The following MACROD2 variants were observed in gnomAD, a reference collection of about 807,000 sequenced individuals.
MACROD2 encodes ADP-ribose glycohydrolase MACROD2.
MACROD2 carries 36 observed loss-of-function variants against 70.4 expected under a neutral mutation model. That is an observed-to-expected ratio of 0.51 (90% CI 0.39 to 0.68). The LOEUF (loss-of-function observed/expected upper bound fraction) is 0.68, where lower values mean the gene tolerates loss of function less well. Among genes scored for constraint, MACROD2 ranks in the 30% least tolerant of loss-of-function variants. The pLI, the probability that MACROD2 is intolerant of heterozygous loss-of-function variation, is 0.00. For synonymous variants in MACROD2, 172 were observed against 178.8 expected, an observed-to-expected ratio of 0.96 and a Z score of 0.30; for missense variants, 496 against 538.4, an observed-to-expected ratio of 0.92 and a Z score of 0.78.
intron 5 of MACROD2, among the ~76,000 whole-genome samples, chr20:15,064,126 G>T (rs922256675): frequency 6.6e-6 from 1 of 152,008 alleles, no homozygotes; most frequent in East Asian, 1.9e-4. Context: ...TTTTTTAGAG[G>T]GTGGGTGTAT....
At chr20:14,263,972 AACACAC>A (rs71190124) in intron 3 of MACROD2, among the ~76,000 whole-genome samples, 16,904 of 126,578 alleles carry the variant, frequency 0.13, 1,147 homozygotes, top group Middle Eastern at 0.21. Context: ...ACCCTATCTA[AACACAC>A]ACACACACAC....
At chr20:15,486,445 G>T (rs1025258229) in intron 7 of MACROD2, among the ~76,000 whole-genome samples, 6 of 152,166 alleles carry the variant, frequency 3.9e-5, no homozygotes, top group East Asian at 1.9e-4. Context: ...GGAGCAAAAT[G>T]CTTGTGACTT....
intron 4 of MACROD2, among the ~76,000 whole-genome samples, chr20:14,681,429 G>A (rs550920431): frequency 6.6e-6 from 1 of 152,266 alleles, no homozygotes; most frequent in South Asian, 2.1e-4. Context: ...TAAAAAGGAA[G>A]AAGTCTAAAT....
intron 8 of MACROD2, among the ~76,000 whole-genome samples, chr20:15,616,674 A>G (rs372250449): frequency 6.6e-6 from 1 of 152,098 alleles, no homozygotes; most frequent in African/African-American, 2.4e-5. Flanking sequence ...ATTCCATCTC[A>G]AATTGGATTT....
At chr20:14,191,433 A>G (rs1269559130) in intron 3 of MACROD2, among the ~76,000 whole-genome samples, 1 of 152,192 alleles carries the variant, frequency 6.6e-6, no homozygotes, top group Non-Finnish European at 1.5e-5. Context: ...ATGGTATATA[A>G]TCCGGTCATT....
chr20:15,431,363 G>A, intron 6 of MACROD2, 42 bp from the exon 7 acceptor site: 1 of 1,568,434 alleles, frequency 6.4e-7, no homozygotes, highest in Non-Finnish European at 8.8e-7. Flanking sequence ...GCGTAGAGTT[G>A]TTTCTTTAAT....
intron 2 of MACROD2, among the ~76,000 whole-genome samples, chr20:14,069,462 C>T (rs1435461926): frequency 1.3e-5 from 2 of 151,632 alleles, no homozygotes; most frequent in Non-Finnish European, 2.9e-5. Flanking sequence ...TATATTTATA[C>T]CAGGCTGGCC....
chr20:14,763,848 A>G (rs2072049447), intron 5 of MACROD2, among the ~76,000 whole-genome samples: 1 of 152,084 alleles, frequency 6.6e-6, no homozygotes. Flanking sequence ...AAAGATCACA[A>G]TATAACTTAG....
intron 8 of MACROD2, among the ~76,000 whole-genome samples, chr20:15,800,839 T>G (rs375107504): frequency 6.6e-6 from 1 of 152,106 alleles, no homozygotes. Flanking sequence ...TTTTGTTCTG[T>G]ACTAAGAAAA....
intron 5 of MACROD2, among the ~76,000 whole-genome samples, chr20:14,936,741 C>T (rs1185670511): frequency 2.0e-5 from 3 of 152,140 alleles, no homozygotes; most frequent in Admixed American, 1.3e-4. Flanking sequence ...CTGTGCCTGG[C>T]ACTTGTCTTT....
intron 6 of MACROD2, among the ~76,000 whole-genome samples, chr20:15,305,669 G>A (rs1291848607): frequency 6.6e-6 from 1 of 152,016 alleles, no homozygotes; most frequent in Non-Finnish European, 1.5e-5. Context: ...GTGTGTGTGT[G>A]TGTGCGCGCA....
chr20:15,229,169 G>C (rs539492480), intron 5 of MACROD2, among the ~76,000 whole-genome samples: 2 of 152,098 alleles, frequency 1.3e-5, no homozygotes, highest in Admixed American at 6.6e-5. Context: ...AAAAGTTTAC[G>C]TGTGTGTAGA....
At chr20:15,532,665 G>A (rs1007917580) in intron 8 of MACROD2, among the ~76,000 whole-genome samples, 2 of 130,296 alleles carry the variant, frequency 1.5e-5, no homozygotes, top group African/African-American at 3.8e-5. Flanking sequence ...CAAAAAATAA[G>A]CACACCTAAA....
At chr20:14,677,839 T>G (rs1308572174) in intron 4 of MACROD2, among the ~76,000 whole-genome samples, 2 of 152,168 alleles carry the variant, frequency 1.3e-5, no homozygotes, top group Non-Finnish European at 2.9e-5. Flanking sequence ...TTAAGGACTC[T>G]GAGACATACC....
chr20:14,941,986 G>A lies in MACROD2; in HGVS notation c.418+257027G>A, dbSNP rs140014509. On this transcript the variant is annotated intron_variant, in intron 5 of 17. Transcript: ENST00000684519. Reference sequence around the variant, plus strand: ...TTTCTTTTTAGTATTTTTGCTACAGGTGGGGTTTCGCCGTGTTGTTCAGGC... The same window carrying A: ...TTTCTTTTTAGTATTTTTGCTACAGATGGGGTTTCGCCGTGTTGTTCAGGC... Among the ~76,000 whole-genome samples, 8 of 150,952 alleles carry A rather than the reference G, an allele frequency of 5.3e-5. No individual in the cohort carries two copies. In the East Asian group the frequency reaches 1.4e-3, roughly 26 times the overall value.
intron 5 of MACROD2, among the ~76,000 whole-genome samples, chr20:14,696,298 C>T (rs1316351550): frequency 6.6e-6 from 1 of 152,094 alleles, no homozygotes; most frequent in African/African-American, 2.4e-5. Context: ...TCTACCTACT[C>T]CTGTTACTCC....
chr20:16,041,806 A>G (rs112527836), intron 16 of MACROD2, among the ~76,000 whole-genome samples: 7 of 152,172 alleles, frequency 4.6e-5, no homozygotes, highest in South Asian at 2.1e-4. Flanking sequence ...AAAAACTTAC[A>G]TCTAATTTTG....
intron 3 of MACROD2, among the ~76,000 whole-genome samples, chr20:14,388,014 G>GTT (rs11474530): frequency 0.28 from 39,990 of 142,344 alleles, 6,628 homozygotes; most frequent in South Asian, 0.58. Flanking sequence ...ATGTAAGTAG[G>GTT]TTTTTTTTTT....
At chr20:14,287,786 G>T (rs2082356685) in intron 3 of MACROD2, among the ~76,000 whole-genome samples, 1 of 152,040 alleles carries the variant, frequency 6.6e-6, no homozygotes, top group Non-Finnish European at 1.5e-5. Context: ...GTGATTGTTG[G>T]ACTGAGAGCT....
Sources: allele counts gnomAD v4.1 joint callset (sites outside exome capture counted in the v4.1 genomes callset), GRCh38; gene constraint gnomAD v4.1.1; transcripts MANE v1.5; gene names NCBI Gene and HGNC (gene_info 2026-07-23, HGNC 2026-07-21).